The following ZNF345 variants were observed in gnomAD, a reference collection of about 807,000 sequenced individuals.
The protein encoded by ZNF345 is zinc finger protein HZF10.
For missense variants in ZNF345, 527 were observed against 589.9 expected (o/e 0.89, Z 1.10); for synonymous variants, 166 against 187.9 (o/e 0.88, Z 0.95).
intron 2 of ZNF345, among the ~76,000 whole-genome samples, chr19:36,857,331 G>C (rs958768518): frequency 6.6e-6 from 1 of 151,878 alleles, no homozygotes; most frequent in Non-Finnish European, 1.5e-5. Context: ...TTTTGAGACG[G>C]AGTCTTGCTC....
At chr19:36,892,883 G>T (rs372175741) in exon 4 of ZNF345, 2 of 1,158,594 alleles carry the variant, frequency 1.7e-6, no homozygotes, top group Non-Finnish European at 2.2e-6. Context: ...GTGGAGCTCC[G>T]ACTGCAAGGC....
chr19:36,855,893 C>A (rs1358966068), intron 2 of ZNF345, among the ~76,000 whole-genome samples: 1 of 152,204 alleles, frequency 6.6e-6, no homozygotes, highest in African/African-American at 2.4e-5. Flanking sequence ...GGAAAAAAGT[C>A]ATCTCAGATT....
intron 2 of ZNF345, 65 bp downstream of exon 2, chr19:36,851,969 C>T (rs369273129): frequency 6.6e-6 from 1 of 152,116 alleles, no homozygotes; most frequent in East Asian, 1.9e-4. Flanking sequence ...TAGTTGCTTT[C>T]CTTCTCTTGA....
intron 3 of ZNF345, chr19:36,892,380 A>C: frequency 3.7e-6 from 6 of 1,613,268 alleles, no homozygotes; most frequent in Non-Finnish European, 5.1e-6. Flanking sequence ...TGGGCTGAAT[A>C]AAAGTAGACA....
intron 3 of ZNF345, chr19:36,888,470 C>A (rs1269489645): frequency 6.6e-6 from 1 of 152,182 alleles, no homozygotes; most frequent in East Asian, 1.9e-4. Context: ...ACACTAAATT[C>A]TTGTGATCTT....
intron 3 of ZNF345, chr19:36,888,700 G>A (rs535266225): frequency 6.6e-6 from 1 of 151,674 alleles, no homozygotes. Flanking sequence ...GATTTTTTTT[G>A]GTTTTTTTTT....
At chr19:36,852,128 CTTTTTTTT>C in intron 2 of ZNF345, among the ~76,000 whole-genome samples, 2 of 102,674 alleles carry the variant, frequency 1.9e-5, no homozygotes, top group South Asian at 6.6e-4. Flanking sequence ...TTCTTTCTTT[CTTTTTTTT>C]TTTTTTTTTT....
intron 3 of ZNF345, chr19:36,889,996 T>A (rs191057402): frequency 1.3e-5 from 2 of 152,218 alleles, no homozygotes; most frequent in African/African-American, 4.8e-5. Context: ...CAAAAAATTT[T>A]AAATTTCCAC....
At chr19:36,858,885 C>G (rs1449336894) in intron 2 of ZNF345, among the ~76,000 whole-genome samples, 2 of 152,132 alleles carry the variant, frequency 1.3e-5, no homozygotes, top group Non-Finnish European at 2.9e-5. Flanking sequence ...AGCACAGTAA[C>G]TGGAAGAAAA....
intron 2 of ZNF345, among the ~76,000 whole-genome samples, chr19:36,868,860 G>A (rs576378755): frequency 2.0e-5 from 3 of 152,012 alleles, no homozygotes; most frequent in East Asian, 1.9e-4. Context: ...TCCTGACCTC[G>A]TGATCCACCC....
chr19:36,857,919 G>T (rs945381532), intron 2 of ZNF345, among the ~76,000 whole-genome samples: 4 of 152,074 alleles, frequency 2.6e-5, no homozygotes, highest in South Asian at 2.1e-4. Context: ...GGGATTACAG[G>T]CTCCTGGCAC....
At position 36,877,298 on chromosome 19, in the gene ZNF345, T is replaced by TA. The variant is rs758243157; in HGVS notation, c.468_469insA (p.Phe157IlefsTer15). 1.9e-6 allele frequency: 3 copies of TA among 1,612,928 alleles called. No homozygotes were observed. Among genetic ancestry groups the TA allele is most frequent in the Non-Finnish European group, 1.7e-6 (2 of 1,179,744 alleles). On this transcript the variant is annotated frameshift_variant, in exon 3 of 3. Coordinates refer to ENST00000420450, the MANE Select transcript of ZNF345 (RefSeq NM_001242472.2). LOFTEE classifies it low-confidence loss of function (END_TRUNC). ...GTAAGGAATGTGGGAAAGCCTTTAG[T>TA]TTTGGATCAGGCCTTATTCGACATC...
At chr19:36,860,070 G>T (rs1429137526) in intron 2 of ZNF345, among the ~76,000 whole-genome samples, 1 of 152,056 alleles carries the variant, frequency 6.6e-6, no homozygotes, top group African/African-American at 2.4e-5. Flanking sequence ...CCATTCTCCT[G>T]CCTCAGCCTC....
At chr19:36,858,503 C>T (rs957541121) in intron 2 of ZNF345, among the ~76,000 whole-genome samples, 9 of 152,138 alleles carry the variant, frequency 5.9e-5, no homozygotes, top group Non-Finnish European at 1.3e-4. Flanking sequence ...CAGTGGCTCA[C>T]GCCCGTAATC....
chr19:36,855,447 C>CT (rs34265794), intron 2 of ZNF345, among the ~76,000 whole-genome samples: 32,758 of 58,522 alleles, frequency 0.56, 10,537 homozygotes, highest in East Asian at 0.81. Flanking sequence ...CGAGCCTGGC[C>CT]TTTTTTTTTT....
rs375664135 is a variant in ZNF345, at chr19:36,862,432, G to A, written c.-47+10528G>A. Among the ~76,000 whole-genome samples the A allele has an allele frequency of 1.4e-4, 21 of 151,486 alleles. No individual in the cohort carries two copies. In the East Asian group the frequency reaches 1.6e-3, roughly 11 times the overall value. ...AATCCCAGCACTTTGGGAGGCTGAG[G>A]CAGGTGGATCACTTGAGGCCGGGAG... is the stretch of plus-strand genomic sequence containing the variant. On this transcript the variant is annotated intron_variant, in intron 2 of 2. Transcript: ENST00000420450.
At chr19:36,872,500 C>T (rs563984136) in intron 2 of ZNF345, 5 of 152,376 alleles carry the variant, frequency 3.3e-5, no homozygotes, top group African/African-American at 7.2e-5. Context: ...GCACCTCTCT[C>T]GACCCTCTCT....
chr19:36,887,784 C>T lies in ZNF345; in HGVS notation c.47-5034C>T, dbSNP rs569659070. Among the ~76,000 whole-genome samples, 5 of 152,294 alleles carry T rather than the reference C, an allele frequency of 3.3e-5. No individual in the cohort carries two copies. In the East Asian group the frequency reaches 7.7e-4, roughly 23 times the overall value. On this transcript the variant is annotated intron_variant, in intron 3 of 3. Coordinates refer to the ZNF345 transcript ENST00000526123. ...TTCAACATTTTACTCCATCTAATGG[C>T]ACACTCTACTTATTGGGTCTCCTGA...
chr19:36,878,356 A>G lies in ZNF345; in HGVS notation c.*59A>G. ...GACTTAAGAAAATTCATAGTGGTGAAAATCTCTACAAATAGAACTAAGGTA... is the reference window on the plus strand; with the variant it reads ...GACTTAAGAAAATTCATAGTGGTGAGAATCTCTACAAATAGAACTAAGGTA... On this transcript the variant is annotated 3_prime_UTR_variant, in exon 3 of 3. Coordinates refer to ENST00000420450, the MANE Select transcript of ZNF345 (RefSeq NM_001242472.2). The G allele has an allele frequency of 6.8e-7, 1 of 1,467,686 alleles. No individual in the cohort carries two copies. Among genetic ancestry groups the G allele is most frequent in the Non-Finnish European group, 9.1e-7 (1 of 1,094,144 alleles). The allele number at this position is 1,467,686 out of a possible 1,614,324, so 90.9% of individuals were successfully genotyped here. A position where few individuals can be genotyped will look rare whatever the true frequency, so the allele number is the denominator to read the frequency against.
Sources: allele counts gnomAD v4.1 joint callset (sites outside exome capture counted in the v4.1 genomes callset), GRCh38; gene constraint gnomAD v4.1.1; transcripts MANE v1.5; gene names NCBI Gene and HGNC (gene_info 2026-07-23, HGNC 2026-07-21).